RP1: variants seen among roughly 807,000 people sequenced by gnomAD.
RP1 encodes RP1 axonemal microtubule associated.
RP1 carries 16 observed loss-of-function variants against 14.8 expected under a neutral mutation model. The observed-to-expected ratio is 1.08, with a 90% confidence interval of 0.73 to 1.65. The LOEUF (loss-of-function observed/expected upper bound fraction) is 1.65, where lower values mean the gene tolerates loss of function less well. Ranked by LOEUF, RP1 falls within the 40% of genes most tolerant of loss-of-function variation. The probability of loss-of-function intolerance (pLI) is 0.00; values close to 1 mark genes in which losing one functional copy is unlikely to be tolerated. For synonymous variants in RP1, 876 were observed against 883.6 expected (o/e 0.99, Z 0.15); for missense variants, 2,631 against 2,535.0 (o/e 1.04, Z -0.81).
At chr8:54,736,599 A>G (rs1808929711) in intron 18 of RP1, among the ~76,000 whole-genome samples, 2 of 152,166 alleles carry the variant, frequency 1.3e-5, no homozygotes, top group African/African-American at 2.4e-5. Context: ...CTCTGCTGGT[A>G]AATGGCTCAG....
At chr8:54,569,071 T>TA (rs1804468266) in intron 1 of RP1, among the ~76,000 whole-genome samples, 1 of 152,236 alleles carries the variant, frequency 6.6e-6, no homozygotes, top group South Asian at 2.1e-4. Context: ...CTGTTCTTAT[T>TA]AATAATGCAA....
intron 26 of RP1, among the ~76,000 whole-genome samples, chr8:54,855,771 T>C (rs1380836263): frequency 1.3e-5 from 2 of 151,750 alleles, no homozygotes; most frequent in African/African-American, 4.8e-5. Context: ...TCAGAAAGAG[T>C]CAATGAAAAT....
rs1330307490 is a variant in RP1 at position 54,859,212 on chromosome 8, G to A, written c.4069+2106G>A. Among the ~76,000 whole-genome samples, 50 of 151,822 alleles carry A rather than the reference G, an allele frequency of 3.3e-4. 1 individual carries two copies. Among genetic ancestry groups the A allele is most frequent in the Admixed American group, 3.3e-3 (50 of 15,266 alleles). ...CACTGTAGTGCAATGTCACTGTGGAGCAGCACTGTCACTGTAGAGGGGTGT... is the reference window on the plus strand; with the variant it reads ...CACTGTAGTGCAATGTCACTGTGGAACAGCACTGTCACTGTAGAGGGGTGT... On this transcript the variant is annotated intron_variant, in intron 27 of 28. Transcript: ENST00000637698.
intron 24 of RP1, among the ~76,000 whole-genome samples, chr8:54,807,564 T>C (rs1437155434): frequency 2.0e-5 from 3 of 152,162 alleles, no homozygotes; most frequent in East Asian, 3.9e-4. Flanking sequence ...AGGGACTGTA[T>C]TAGTCATGGT....
rs2129316571 is a variant in RP1, at chr8:54,626,227, TAAATA to T, written c.2352_2356del (p.Ile785LeufsTer5). The T allele has an allele frequency of 1.2e-6, 2 of 1,611,110 alleles. No individual in the cohort carries two copies. Among genetic ancestry groups the T allele is most frequent in the South Asian group, 2.2e-5 (2 of 90,158 alleles). Reference sequence around the variant, plus strand: ...TTAACCAAAAGAAAATCTAGATCACTAAATAAAATAAGCTTAGGAGCACCTAAAAA... The same window carrying T: ...TTAACCAAAAGAAAATCTAGATCACTAAATAAGCTTAGGAGCACCTAAAAA... On this transcript the variant is annotated frameshift_variant, in exon 4 of 4. Coordinates refer to ENST00000220676, the MANE Select transcript of RP1 (RefSeq NM_006269.2). LOFTEE classifies it low-confidence loss of function (END_TRUNC).
intron 19 of RP1, among the ~76,000 whole-genome samples, chr8:54,741,416 G>A (rs1470618021): frequency 6.6e-6 from 1 of 151,782 alleles, no homozygotes; most frequent in East Asian, 1.9e-4. Flanking sequence ...TGTTTAATAT[G>A]TTTAGATTTG....
At chr8:54,661,021 A>G (rs1384967100) in intron 6 of RP1, among the ~76,000 whole-genome samples, 2 of 151,674 alleles carry the variant, frequency 1.3e-5, no homozygotes, top group African/African-American at 4.8e-5. Flanking sequence ...GGTTAGAAAA[A>G]TAATAAGGAA....
intron 27 of RP1, among the ~76,000 whole-genome samples, chr8:54,859,823 A>G (rs982447761): frequency 1.3e-5 from 2 of 152,192 alleles, no homozygotes; most frequent in Non-Finnish European, 2.9e-5. Context: ...CCAGCAGCAC[A>G]TGGATATTCA....
intron 3 of RP1, among the ~76,000 whole-genome samples, chr8:54,641,819 A>G (rs950141081): frequency 6.6e-6 from 1 of 152,200 alleles, no homozygotes; most frequent in African/African-American, 2.4e-5. Context: ...CCTAAAGGCC[A>G]TGTGAGGAAT....
At chr8:54,601,169 C>T (rs927311276) in intron 1 of RP1, among the ~76,000 whole-genome samples, 2 of 152,054 alleles carry the variant, frequency 1.3e-5, no homozygotes, top group Admixed American at 1.3e-4. Flanking sequence ...CATGAAAAGG[C>T]AAATAATGGG....
At chr8:54,562,508 T>G (rs1324934443) in intron 1 of RP1, among the ~76,000 whole-genome samples, 1 of 152,094 alleles carries the variant, frequency 6.6e-6, no homozygotes, top group African/African-American at 2.4e-5. Flanking sequence ...ACCCTGTTGC[T>G]ACTAAAAATA....
At chr8:54,838,049 G>A (rs998070474) in intron 25 of RP1, among the ~76,000 whole-genome samples, 3 of 152,194 alleles carry the variant, frequency 2.0e-5, no homozygotes, top group Non-Finnish European at 4.4e-5. Context: ...CCCACGGGCC[G>A]CAAGTTGTTT....
chr8:54,727,403 A>G (rs1030546366), intron 17 of RP1, among the ~76,000 whole-genome samples: 1 of 152,144 alleles, frequency 6.6e-6, no homozygotes, highest in Non-Finnish European at 1.5e-5. Context: ...TATCTAAATC[A>G]GGGATGGCCA....
intron 1 of RP1, among the ~76,000 whole-genome samples, chr8:54,564,529 T>C (rs2129290719): frequency 6.6e-6 from 1 of 152,336 alleles, no homozygotes; most frequent in African/African-American, 2.4e-5. Context: ...ACCTTCATGA[T>C]GTCTTGGTGA....
chr8:54,722,964 G>C (rs778747799), intron 16 of RP1, among the ~76,000 whole-genome samples: 1 of 152,134 alleles, frequency 6.6e-6, no homozygotes, highest in South Asian at 2.1e-4. Context: ...TCATTGACAG[G>C]TTCCACCCAC....
chr8:54,815,459 A>C (rs1221588254), intron 24 of RP1, among the ~76,000 whole-genome samples: 1 of 152,248 alleles, frequency 6.6e-6, no homozygotes, highest in Non-Finnish European at 1.5e-5. Context: ...CTAGACTATG[A>C]ATAGGACTAA....
At chr8:54,623,015 A>T (rs1416365100) in intron 3 of RP1, among the ~76,000 whole-genome samples, 1 of 152,174 alleles carries the variant, frequency 6.6e-6, no homozygotes, top group Non-Finnish European at 1.5e-5. Context: ...TTTTATACTT[A>T]AATTTAAGTT....
chr8:54,622,279 AGC>A lies in RP1; in HGVS notation c.779_780del (p.Ser260LysfsTer21). ...VYPKGNAKSE[S>X]RKISTHMSSS... ...CCCCAAGGGAAATGCAAAGTCAGAA[AGC>A]AGAAAGAGTAAGTCACTTATTAATA... On this transcript the variant is annotated frameshift_variant, in exon 3 of 4. Coordinates refer to ENST00000220676, the MANE Select transcript of RP1 (RefSeq NM_006269.2). LOFTEE classifies it low-confidence loss of function (END_TRUNC). The A allele has an allele frequency of 6.2e-7, 1 of 1,614,108 alleles. No homozygotes were observed. Among genetic ancestry groups the A allele is most frequent in the Non-Finnish European group, 8.5e-7 (1 of 1,180,042 alleles).
chr8:54,624,443 C>CAAAAAAAAAAAAAAAAAAAAAAAAAA (rs11332494), intron 3 of RP1, among the ~76,000 whole-genome samples: 2 of 56,596 alleles, frequency 3.5e-5, no homozygotes, highest in Non-Finnish European at 5.9e-5. Context: ...GACTCTGTCT[C>CAAAAAAAAAAAAAAAAAAAAAAAAAA]AAAAAAAAAA....
Sources: allele counts gnomAD v4.1 joint callset (sites outside exome capture counted in the v4.1 genomes callset), GRCh38; gene constraint gnomAD v4.1.1; transcripts MANE v1.5; gene names NCBI Gene and HGNC (gene_info 2026-07-23, HGNC 2026-07-21).